SSBP4: variants seen among roughly 807,000 people sequenced by gnomAD.
SSBP4 encodes single-stranded DNA-binding protein 4.
Under a neutral mutation model 64.6 loss-of-function variants are expected in SSBP4, and 33 were observed. That is an observed-to-expected ratio of 0.51 (90% CI 0.39 to 0.68). SSBP4 has a LOEUF of 0.68. Ranked by LOEUF, SSBP4 falls within the 30% of genes least tolerant of loss-of-function variation. SSBP4 has a pLI of 0.00. For missense variants in SSBP4, 583 were observed against 566.8 expected (o/e 1.03, Z -0.29); for synonymous variants, 243 against 224.0 (o/e 1.08, Z -0.76).
At chr19:18,431,167 C>T (rs914948357) in intron 5 of SSBP4, among the ~76,000 whole-genome samples, 186 bp from the exon 6 acceptor site, 4 of 152,136 alleles carry the variant, frequency 2.6e-5, no homozygotes, top group African/African-American at 4.8e-5. Flanking sequence ...GCACAGGGTG[C>T]TTGGGGATGC....
intron 1 of SSBP4, among the ~76,000 whole-genome samples, chr19:18,422,893 G>A (rs942897007): frequency 7.2e-5 from 11 of 152,206 alleles, no homozygotes; most frequent in African/African-American, 2.4e-4. Flanking sequence ...AAAATGAGGC[G>A]CTGCATATCC....
At chr19:18,410,951 T>A in the SSBP4 span, among the ~76,000 whole-genome samples, 8 of 152,284 alleles carry the variant, frequency 5.3e-5, no homozygotes, top group African/African-American at 1.9e-4. Context: ...GAAAGTGTTA[T>A]AAGCGCTAGG....
the SSBP4 span, among the ~76,000 whole-genome samples, chr19:18,406,383 G>T: frequency 6.6e-6 from 1 of 151,592 alleles, no homozygotes; most frequent in Non-Finnish European, 1.5e-5. Flanking sequence ...GTTTTGCAAT[G>T]TTAGCCAGGC....
chr19:18,413,789 G>C, the SSBP4 span, among the ~76,000 whole-genome samples: 1 of 152,120 alleles, frequency 6.6e-6, no homozygotes, highest in Non-Finnish European at 1.5e-5. Flanking sequence ...GGCCAAGGCG[G>C]GCAGATCGCC....
At chr19:18,424,731 G>T (rs1033283033) in intron 1 of SSBP4, among the ~76,000 whole-genome samples, 1 of 152,058 alleles carries the variant, frequency 6.6e-6, no homozygotes, top group Admixed American at 6.5e-5. Context: ...ATTTCCTTCG[G>T]TGTTTTTTTA....
Position 18,419,602 on chromosome 19 carries a change from G to A in SSBP4, c.-47G>A. ...ATGGCGACGGCAAGCGCGGCCCGCG[G>A]CGCCGCCTGACAGGTGTGGGCCCCG... On this transcript the variant is annotated 5_prime_UTR_variant, in exon 1 of 18. Coordinates refer to ENST00000270061, the MANE Select transcript of SSBP4 (RefSeq NM_032627.5). The A allele has an allele frequency of 8.1e-7, 1 of 1,241,486 alleles. No individual in the cohort carries two copies. Among genetic ancestry groups the A allele is most frequent in the Non-Finnish European group, 1.0e-6 (1 of 987,706 alleles). The allele number at this position is 1,241,486 out of a possible 1,614,324, so 76.9% of individuals were successfully genotyped here.
At position 18,427,963 on chromosome 19, in the gene SSBP4, C is replaced by T. The variant is rs376518778; in HGVS notation, c.260C>T (p.Ala87Val). ...RREACEHSGEAKAFQDYSAAA... is the reference protein window; with the variant it reads ...RREACEHSGEVKAFQDYSAAA... ...GAGGCCTGCGAGCACTCCGGCGAGG[C>T]CAAGGCCTTCCAGGACTATGTGAGT... The change falls in exon 4 of 18, where the codon GCC (alanine) becomes GTC (valine). Residue 87 changes from alanine to valine, a missense_variant. Around this residue, in one of 5 missense-constraint regions of SSBP4, gnomAD observed 444 missense variants for 386.6 expected, o/e 1.15. Transcript: ENST00000270061. This position sits in a 1 kb window ranked among gnomAD's most constrained non-coding sequence, Gnocchi z 4.4. 1.2e-6 allele frequency: 2 copies of T among 1,612,430 alleles called. No homozygotes were observed. Among genetic ancestry groups the T allele is most frequent in the Non-Finnish European group, 1.7e-6 (2 of 1,179,772 alleles).
At chr19:18,432,444 C>G in intron 10 of SSBP4, 115 bp from the exon 11 acceptor site, 1 of 1,447,924 alleles carries the variant, frequency 6.9e-7, no homozygotes, top group Non-Finnish European at 9.3e-7. Flanking sequence ...CCAGCAACAT[C>G]TGCTGCTCTG....
rs886794387 is a variant in SSBP4 at position 18,423,297 on chromosome 19, A to C, written c.59+3590A>C. ...TGGCTTGTTCATCAGCCTGGCAGGTAAGCCAGGGATGGGATTCACGATTGG... is the reference window on the plus strand; with the variant it reads ...TGGCTTGTTCATCAGCCTGGCAGGTCAGCCAGGGATGGGATTCACGATTGG... On this transcript the variant is annotated intron_variant, in intron 1 of 17. Transcript: ENST00000270061. The surrounding 1 kb of genome is among the most constrained non-coding windows in gnomAD (Gnocchi z 4.0). Among the ~76,000 whole-genome samples, 3 of 152,100 alleles carry C rather than the reference A, an allele frequency of 2.0e-5. No individual in the cohort carries two copies. The highest frequency in any genetic ancestry group is 4.8e-5 in the African/African-American group (2 of 41,400).
intron 1 of SSBP4, among the ~76,000 whole-genome samples, chr19:18,420,834 G>C (rs1199995180): frequency 6.6e-6 from 1 of 150,664 alleles, no homozygotes; most frequent in Non-Finnish European, 1.5e-5. Context: ...CCTGGCGACA[G>C]AGCCAGATTC....
At chr19:18,432,339 C>A (rs982200261) in intron 10 of SSBP4, 125 bp downstream of exon 10, 3 of 1,361,002 alleles carry the variant, frequency 2.2e-6, no homozygotes, top group Middle Eastern at 2.1e-4. Context: ...TCATGGCCAC[C>A]GTTGAGGGGA....
intron 4 of SSBP4, 83 bp downstream of exon 4, chr19:18,428,065 G>C: frequency 1.5e-6 from 2 of 1,328,114 alleles, no homozygotes; most frequent in Admixed American, 1.9e-5. Context: ...GTGGGGGGCT[G>C]CACAGCCAGA....
At chr19:18,430,739 T>A (rs952985087) in intron 4 of SSBP4, 102 bp from the exon 5 acceptor site, 2 of 1,016,432 alleles carry the variant, frequency 2.0e-6, no homozygotes, top group Non-Finnish European at 1.4e-6. Context: ...GCCAGCTCGC[T>A]GTCCCATGGG....
In SSBP4 at chr19:18,427,631, G is replaced by A; in HGVS notation, c.133-121G>A. ...CCTGCCACACATCCTGGGGCCCTCT[G>A]CCCACCCTGTTACCCTTCCCTCCCC... On this transcript the variant is annotated intron_variant, in intron 2 of 17. Coordinates refer to ENST00000270061, the MANE Select transcript of SSBP4 (RefSeq NM_032627.5). The surrounding 1 kb of genome is among the most constrained non-coding windows in gnomAD (Gnocchi z 4.4). The A allele has an allele frequency of 7.8e-7, 1 of 1,286,732 alleles. No individual in the cohort carries two copies. The highest frequency in any genetic ancestry group is 1.1e-6 in the Non-Finnish European group (1 of 947,274). 79.7% of individuals were successfully genotyped at this position (1,286,732 alleles called of 1,614,324 possible). A position where few individuals can be genotyped will look rare whatever the true frequency, so the allele number is the denominator to read the frequency against.
intron 1 of SSBP4, among the ~76,000 whole-genome samples, chr19:18,421,846 G>A (rs1197697907): frequency 4.6e-5 from 7 of 152,172 alleles, no homozygotes; most frequent in Admixed American, 6.5e-5. Context: ...CTGGGGATGT[G>A]GACACAGTTG....
At position 18,433,568 on chromosome 19, in the gene SSBP4, T is replaced by G. The variant is rs1301703894; in HGVS notation, c.992-17T>G. The G allele has an allele frequency of 2.6e-6, 4 of 1,544,206 alleles. No individual in the cohort carries two copies. Among genetic ancestry groups the G allele is most frequent in the Non-Finnish European group, 3.5e-6 (4 of 1,145,132 alleles). On this transcript the variant is annotated splice_polypyrimidine_tract_variant and intron_variant, in intron 15 of 17. Coordinates refer to ENST00000270061, the MANE Select transcript of SSBP4 (RefSeq NM_032627.5). The stretch of plus-strand genomic sequence containing the variant: ...CAGCACGTCTGAGCCGGTGCCCGTG[T>G]CTGTCCGTGTCTGTAGGCTCGGGCG...
chr19:18,416,382 G>A (rs957240950), upstream of SSBP4, among the ~76,000 whole-genome samples: 1 of 152,166 alleles, frequency 6.6e-6, no homozygotes, highest in Non-Finnish European at 1.5e-5. Flanking sequence ...CACGATCACA[G>A]CTAACTGCAG....
At chr19:18,406,192 G>A in the SSBP4 span, among the ~76,000 whole-genome samples, 57 of 150,992 alleles carry the variant, frequency 3.8e-4, no homozygotes, top group East Asian at 5.6e-3. Flanking sequence ...TGGCTGTGTC[G>A]CCCAGGCTGG....
chr19:18,405,243 G>A, the SSBP4 span, among the ~76,000 whole-genome samples: 3 of 152,118 alleles, frequency 2.0e-5, no homozygotes, highest in Non-Finnish European at 2.9e-5. Context: ...GTCAAGGGCT[G>A]CCCTCCCCCT....
Sources: allele counts gnomAD v4.1 joint callset (sites outside exome capture counted in the v4.1 genomes callset), GRCh38; gene constraint gnomAD v4.1.1; regional missense constraint gnomAD v4.1.1; non-coding constraint Gnocchi (gnomAD v3.1); transcripts MANE v1.5; gene names NCBI Gene and HGNC (gene_info 2026-07-23, HGNC 2026-07-21).